PLPP7: variants seen among roughly 807,000 people sequenced by gnomAD.
The protein encoded by PLPP7 is phospholipid phosphatase 7 (inactive).
PLPP7 carries 11 observed loss-of-function variants against 16.9 expected under a neutral mutation model. The ratio of observed to expected loss-of-function variants is 0.65; its 90% CI spans 0.41 to 1.08. PLPP7 has a LOEUF of 1.08. PLPP7 is among the 50% of genes least tolerant of loss of function. The probability of loss-of-function intolerance (pLI) is 0.00; values close to 1 mark genes in which losing one functional copy is unlikely to be tolerated. For missense variants in PLPP7, 358 were observed against 397.1 expected (o/e 0.90, Z 0.84); for synonymous variants, 174 against 175.1 (o/e 0.99, Z 0.05).
Position 131,308,319 on chromosome 9 carries a change from G to T in PLPP7, c.*32G>T. ...CGCCGGCCCACACAAGCCTCTGGGG[G>T]CAGGGCTGGCCCTAGAGAAGGGGCA... On this transcript the variant is annotated 3_prime_UTR_variant, in exon 2 of 2. Transcript: ENST00000372264. 1 of 1,558,450 alleles carries T rather than the reference G, an allele frequency of 6.4e-7. No individual in the cohort carries two copies. The highest frequency in any genetic ancestry group is 8.6e-7 in the Non-Finnish European group (1 of 1,158,416).
In PLPP7 at chr9:131,300,964, GTATT is replaced by G. The variant is rs1019365572; in HGVS notation, c.452-6941_452-6938del. 2.0e-5 allele frequency among the ~76,000 whole-genome samples: 3 copies of G among 151,958 alleles called. No homozygotes were observed. The East Asian group carries it at 5.8e-4, about 29-fold the overall frequency. ...GGAAAGGCAGATTTTATTTATTTAT[GTATT>G]TATTTATTTATTTATTTTGAGACAG... On this transcript the variant is annotated intron_variant, in intron 1 of 1. Transcript: ENST00000372264.
chr9:131,291,028 C>T, intron 1 of PLPP7: 1 of 1,356,458 alleles, frequency 7.4e-7, no homozygotes, highest in Non-Finnish European at 9.9e-7. Flanking sequence ...TGCTCCTTCC[C>T]AGGGGGAGTC....
At position 131,289,922 on chromosome 9, in the gene PLPP7, G is replaced by A. The variant is rs1300199433; in HGVS notation, c.-76G>A. On this transcript the variant is annotated 5_prime_UTR_variant, in exon 1 of 2. Transcript: ENST00000372264. The stretch of plus-strand genomic sequence containing the variant: ...GAGGCAGCCACGGTGGCGGCTCTGG[G>A]GGCAGCTCTTGTCTTCGGGGAGAAG... The A allele has an allele frequency of 7.2e-6, 9 of 1,255,102 alleles. No individual in the cohort carries two copies. The highest frequency in any genetic ancestry group is 3.1e-5 in the African/African-American group (2 of 64,530). 77.7% of individuals were successfully genotyped at this position (1,255,102 alleles called of 1,614,324 possible).
chr9:131,291,211 C>T (rs562923675), intron 1 of PLPP7: 15 of 1,356,276 alleles, frequency 1.1e-5, no homozygotes, highest in Middle Eastern at 2.1e-4. Context: ...GCCCACCCTT[C>T]GGGCACCACC....
chr9:131,305,417 A>G (rs1835843093), intron 1 of PLPP7, among the ~76,000 whole-genome samples: 1 of 151,518 alleles, frequency 6.6e-6, no homozygotes, highest in Admixed American at 6.6e-5. Flanking sequence ...TTAGCTGGGC[A>G]TGGTGGCACA....
rs780826946 is a variant in PLPP7, at chr9:131,290,346, G to A, written c.349G>A (p.Gly117Ser). Reference protein sequence around the residue: ...ASARSMVKLIGITGHGIPWIG... With the variant: ...ASARSMVKLISITGHGIPWIG... Reference sequence around the variant, plus strand: ...TGCCCGCTCCATGGTCAAGCTCATCGGCATCACGGGCCACGGCATCCCCTG... The same window carrying A: ...TGCCCGCTCCATGGTCAAGCTCATCAGCATCACGGGCCACGGCATCCCCTG... Residue 117 changes from glycine (G) to serine (S), a missense_variant, in exon 1 of 2, where the codon GGC becomes AGC. By Grantham distance (56) the Gly-to-Ser change is moderately conservative. Coordinates refer to ENST00000372264, the MANE Select transcript of PLPP7 (RefSeq NM_032728.4). The surrounding 1 kb of genome is among the most constrained non-coding windows in gnomAD (Gnocchi z 4.2). 1.4e-5 allele frequency: 22 copies of A among 1,610,234 alleles called. No homozygotes were observed. The East Asian group carries it at 2.2e-4, about 16-fold the overall frequency.
At chr9:131,305,395 A>T (rs66720405) in intron 1 of PLPP7, among the ~76,000 whole-genome samples, 27 of 88,380 alleles carry the variant, frequency 3.1e-4, no homozygotes, top group African/African-American at 6.7e-4. Flanking sequence ...TAAAAAAAAA[A>T]TTTTTTTTTA....
Position 131,295,443 on chromosome 9 carries a change from C to T in PLPP7, c.451+4995C>T, listed in dbSNP as rs575281148. Reference sequence around the variant, plus strand: ...CTGGGATCACAGGAGTGAGCCACCACGCCTGGCTATGAAAACTACATTTTT... The same window carrying T: ...CTGGGATCACAGGAGTGAGCCACCATGCCTGGCTATGAAAACTACATTTTT... On this transcript the variant is annotated intron_variant, in intron 1 of 1. Coordinates refer to ENST00000372264, the MANE Select transcript of PLPP7 (RefSeq NM_032728.4). This position sits in a 1 kb window ranked among gnomAD's most constrained non-coding sequence, Gnocchi z 4.0. Among the ~76,000 whole-genome samples, 46 of 152,266 alleles carry T rather than the reference C, an allele frequency of 3.0e-4. No homozygotes were observed. The highest frequency in any genetic ancestry group is 3.4e-3 in the Middle Eastern group (1 of 294).
intron 1 of PLPP7, among the ~76,000 whole-genome samples, chr9:131,302,165 C>T (rs1298235150): frequency 6.6e-6 from 1 of 152,080 alleles, no homozygotes; most frequent in African/African-American, 2.4e-5. Flanking sequence ...CCAGAAGCAC[C>T]AGGACCCCTC....
intron 1 of PLPP7, among the ~76,000 whole-genome samples, chr9:131,296,296 G>A (rs1043827649): frequency 6.6e-6 from 1 of 152,054 alleles, no homozygotes; most frequent in African/African-American, 2.4e-5. Flanking sequence ...ACAGAGTCTC[G>A]CTCTGTCACC....
At chr9:131,298,419 C>T (rs1211286675) in intron 1 of PLPP7, among the ~76,000 whole-genome samples, 2 of 152,174 alleles carry the variant, frequency 1.3e-5, no homozygotes, top group African/African-American at 4.8e-5. Context: ...CAGCCCTTCG[C>T]AGCCTGCAGG....
In PLPP7 at chr9:131,289,881, C is replaced by T. The variant is rs961962768; in HGVS notation, c.-117C>T. The T allele has an allele frequency of 5.6e-5, 43 of 761,292 alleles. No homozygotes were observed. Among genetic ancestry groups the T allele is most frequent in the South Asian group, 1.6e-4 (5 of 30,788 alleles). The allele number at this position is 761,292 out of a possible 1,614,324, so 47.2% of individuals were successfully genotyped here. A position where few individuals can be genotyped will look rare whatever the true frequency, so the allele number is the denominator to read the frequency against. On this transcript the variant is annotated 5_prime_UTR_variant, in exon 1 of 2. Coordinates refer to ENST00000372264, the MANE Select transcript of PLPP7 (RefSeq NM_032728.4). ...CTCTCCACACTATATTTAACAGCTG[C>T]GGCGGAGAAGGCAGGGAGGCAGCCA...
intron 1 of PLPP7, among the ~76,000 whole-genome samples, 175 bp from the exon 2 acceptor site, chr9:131,307,748 G>A (rs1835869821): frequency 1.3e-5 from 2 of 152,174 alleles, no homozygotes; most frequent in African/African-American, 4.8e-5. Context: ...GGATGTGCCG[G>A]GCAGGGGAGA....
chr9:131,301,240 C>A (rs2986603), intron 1 of PLPP7, among the ~76,000 whole-genome samples: 101,677 of 152,032 alleles, frequency 0.67, 34,932 homozygotes, highest in Middle Eastern at 0.78. Context: ...GAGTGCTGGG[C>A]TTACGGGCAT....
At chr9:131,307,542 ACT>A (rs1835866156) in intron 1 of PLPP7, among the ~76,000 whole-genome samples, 1 of 128,762 alleles carries the variant, frequency 7.8e-6, no homozygotes, top group Non-Finnish European at 1.6e-5. Context: ...ACAAAGTGAA[ACT>A]CTGTCTCAAA....
In PLPP7 at chr9:131,308,948, G is replaced by A. The variant is rs1398045565; in HGVS notation, c.*661G>A. On this transcript the variant is annotated 3_prime_UTR_variant, in exon 2 of 2. Transcript: ENST00000372264. ...TCTTGCTAAACCTTCTTTAACCCAT[G>A]TTTTCTAAACTTATTTGACCACAGA... The A allele has an allele frequency of 1.3e-5, 2 of 152,406 alleles. No homozygotes were observed. The highest frequency in any genetic ancestry group is 3.4e-3 in the Middle Eastern group (1 of 294). 9.4% of individuals were successfully genotyped at this position (152,406 alleles called of 1,614,324 possible). A position where few individuals can be genotyped will look rare whatever the true frequency, so the allele number is the denominator to read the frequency against.
At chr9:131,298,147 C>T (rs1835755697) in intron 1 of PLPP7, among the ~76,000 whole-genome samples, 1 of 152,170 alleles carries the variant, frequency 6.6e-6, no homozygotes, top group Non-Finnish European at 1.5e-5. Flanking sequence ...TGGCCCACAT[C>T]CCTAACGATT....
rs896143848 is a variant in PLPP7 at position 131,295,576 on chromosome 9, C to T, written c.451+5128C>T. Among the ~76,000 whole-genome samples, 1 of 152,152 alleles carries T rather than the reference C, an allele frequency of 6.6e-6. No individual in the cohort carries two copies. Among genetic ancestry groups the T allele is most frequent in the Admixed American group, 6.6e-5 (1 of 15,260 alleles). ...GAGTCCATTCACACTGTTGTGCAGC[C>T]ATCACCACCATCCATCTCCAGAACT... is the stretch of plus-strand genomic sequence containing the variant. On this transcript the variant is annotated intron_variant, in intron 1 of 1. Coordinates refer to ENST00000372264, the MANE Select transcript of PLPP7 (RefSeq NM_032728.4). This position sits in a 1 kb window ranked among gnomAD's most constrained non-coding sequence, Gnocchi z 4.0.
rs1259226826 is a variant in PLPP7 at position 131,295,653 on chromosome 9, A to ATTAAG, written c.451+5205_451+5206insTTAAG. ...GAAGCTCTGTCCCCATTAAGCACTG[A>ATTAAG]CTCCCCACTCCCCTTCCCCCAGCCC... On this transcript the variant is annotated intron_variant, in intron 1 of 1. Coordinates refer to ENST00000372264, the MANE Select transcript of PLPP7 (RefSeq NM_032728.4). The surrounding 1 kb of genome is among the most constrained non-coding windows in gnomAD (Gnocchi z 4.0). Among the ~76,000 whole-genome samples the ATTAAG allele has an allele frequency of 4.7e-5, 7 of 148,944 alleles. No individual in the cohort carries two copies. The South Asian group carries it at 1.5e-3, about 32-fold the overall frequency.
Sources: allele counts gnomAD v4.1 joint callset (sites outside exome capture counted in the v4.1 genomes callset), GRCh38; gene constraint gnomAD v4.1.1; non-coding constraint Gnocchi (gnomAD v3.1); transcripts MANE v1.5; gene names NCBI Gene and HGNC (gene_info 2026-07-23, HGNC 2026-07-21).